The following DENND6B variants were observed in gnomAD, a reference collection of about 807,000 sequenced individuals.
DENND6B encodes the protein protein DENND6B.
Under a neutral mutation model 85.1 loss-of-function variants are expected in DENND6B, and 73 were observed. That is an observed-to-expected ratio of 0.86 (90% CI 0.71 to 1.04). The LOEUF is 1.04. DENND6B is among the 50% of genes least tolerant of loss of function. The probability of loss-of-function intolerance (pLI) is 0.00; values close to 1 mark genes in which losing one functional copy is unlikely to be tolerated. For synonymous variants in DENND6B, 357 were observed against 329.3 expected, an observed-to-expected ratio of 1.08 and a Z score of -0.91; for missense variants, 715 against 785.8, an observed-to-expected ratio of 0.91 and a Z score of 1.08.
At chr22:50,316,886 T>C in intron 5 of DENND6B, 1 of 139,586 alleles carries the variant, frequency 7.2e-6, no homozygotes, top group South Asian at 9.3e-5. Context: ...CAGAAGGGCC[T>C]TGGGTCCCAT....
rs1436103526 is a variant in DENND6B, at chr22:50,326,899, G to C, written c.90C>G (p.Thr30=). The change falls in exon 1 of 20, where the codon ACC becomes ACG. Residue 30 remains threonine (T), a synonymous_variant. Transcript: ENST00000413817. Reference sequence around the variant, plus strand: ...AGAAGCGCGCCCAGGGCGCCGCCGGGGTCCGCGCCGCGCGACCTGAAGACG... The same window carrying C: ...AGAAGCGCGCCCAGGGCGCCGCCGGCGTCCGCGCCGCGCGACCTGAAGACG... ...GPTSSGRAAR[T]PAAPWARFSA... The C allele has an allele frequency of 7.2e-7, 1 of 1,394,672 alleles. No individual in the cohort carries two copies. The highest frequency in any genetic ancestry group is 9.3e-7 in the Non-Finnish European group (1 of 1,074,218). The allele number at this position is 1,394,672 out of a possible 1,614,324, so 86.4% of individuals were successfully genotyped here.
intron 3 of DENND6B, 33 bp from the exon 4 acceptor site, chr22:50,318,053 G>A (rs1412283489): frequency 1.2e-6 from 2 of 1,606,090 alleles, no homozygotes; most frequent in African/African-American, 2.7e-5. Context: ...CACGGGTCAA[G>A]GCCGGGAGCC....
intron 1 of DENND6B, among the ~76,000 whole-genome samples, chr22:50,320,994 G>A (rs766364327): frequency 1.3e-5 from 2 of 152,192 alleles, no homozygotes; most frequent in Non-Finnish European, 2.9e-5. Flanking sequence ...AGGTTAAGGG[G>A]ACAAATGGAG....
intron 1 of DENND6B, among the ~76,000 whole-genome samples, chr22:50,321,254 C>T (rs917741795): frequency 1.3e-5 from 2 of 152,224 alleles, no homozygotes; most frequent in African/African-American, 4.8e-5. Context: ...CATCTTCACC[C>T]TCAGGTACAG....
intron 19 of DENND6B, 24 bp downstream of exon 19, chr22:50,312,319 G>C: frequency 6.2e-7 from 1 of 1,611,278 alleles, no homozygotes; most frequent in Non-Finnish European, 8.5e-7. Context: ...GGTGGCGCTG[G>C]GACAAGGCTG....
intron 9 of DENND6B, among the ~76,000 whole-genome samples, chr22:50,315,309 T>C (rs1227676382): frequency 6.6e-6 from 1 of 152,140 alleles, no homozygotes; most frequent in Non-Finnish European, 1.5e-5. Flanking sequence ...CAGAGCAGGA[T>C]GGTCTCAAAG....
At chr22:50,314,359 G>T in intron 12 of DENND6B, 41 bp downstream of exon 12, 1 of 1,572,446 alleles carries the variant, frequency 6.4e-7, no homozygotes, top group Non-Finnish European at 8.6e-7. Context: ...ACTCAACGAG[G>T]CTTCTGAGCA....
chr22:50,316,128 TCC>T (rs1317093094), intron 7 of DENND6B, 41 bp from the exon 8 acceptor site: 3 of 1,612,480 alleles, frequency 1.9e-6, no homozygotes, highest in Non-Finnish European at 2.5e-6. Flanking sequence ...GAGTAGGGCA[TCC>T]CCACACACCT....
Position 50,313,490 on chromosome 22 carries a change from T to C in DENND6B, c.1303A>G (p.Met435Val). 1 of 1,551,802 alleles carries C rather than the reference T, an allele frequency of 6.4e-7. No homozygotes were observed. The highest frequency in any genetic ancestry group is 8.7e-7 in the Non-Finnish European group (1 of 1,148,178). ...TTCTGCAGGGGCATGAGGCTGGCCATGTAGTGCTCCTGGGTGGGGAAGGGA... is the reference window on the plus strand; with the variant it reads ...TTCTGCAGGGGCATGAGGCTGGCCACGTAGTGCTCCTGGGTGGGGAAGGGA... Reference protein sequence around the residue: ...QSFIIPLEHYMASLMPLQKSI... With the variant: ...QSFIIPLEHYVASLMPLQKSI... The change falls in exon 16 of 20, where the codon ATG (methionine) becomes GTG (valine). Residue 435 changes from methionine to valine, a missense_variant. Met to Val is a conservative substitution (Grantham distance 21). Transcript: ENST00000413817.
At chr22:50,319,136 T>G (rs1256106489) in intron 1 of DENND6B, 133 bp from the exon 2 acceptor site, 1 of 1,535,900 alleles carries the variant, frequency 6.5e-7, no homozygotes, top group Non-Finnish European at 8.7e-7. Flanking sequence ...GTGCCCAAGG[T>G]GCTGGCTCGC....
At position 50,312,332 on chromosome 22, in the gene DENND6B, A is replaced by C. The variant is rs970057362; in HGVS notation, c.1635+11T>G. The C allele has an allele frequency of 2.5e-6, 4 of 1,611,326 alleles. No individual in the cohort carries two copies. The highest frequency in any genetic ancestry group is 3.4e-6 in the Non-Finnish European group (4 of 1,179,250). On this transcript the variant is annotated intron_variant, in intron 19 of 19. Coordinates refer to ENST00000413817, the MANE Select transcript of DENND6B (RefSeq NM_001001794.4). ...CTGGTGGCGCTGGGACAAGGCTGGGAGGCATCTTACCAGCTTCTCACGAAG... is the reference window on the plus strand; with the variant it reads ...CTGGTGGCGCTGGGACAAGGCTGGGCGGCATCTTACCAGCTTCTCACGAAG...
In DENND6B at chr22:50,314,318, G is replaced by C. The variant is rs374489759; in HGVS notation, c.1073-46C>G. The C allele has an allele frequency of 9.2e-4, 1,466 of 1,598,500 alleles. 3 individuals carry two copies. The highest frequency in any genetic ancestry group is 6.5e-4 in the Non-Finnish European group (768 of 1,173,450). The stretch of plus-strand genomic sequence containing the variant: ...CCAGGCCTCAGTGCCCGCAGCTCTG[G>C]CCATCCCCACGGGCTCTGAGGCGGC... On this transcript the variant is annotated intron_variant, in intron 12 of 19. Transcript: ENST00000413817.
chr22:50,320,437 T>C (rs1370262451), intron 1 of DENND6B, among the ~76,000 whole-genome samples: 2 of 152,252 alleles, frequency 1.3e-5, no homozygotes, highest in East Asian at 3.8e-4. Flanking sequence ...ACCATGGTCC[T>C]GCTTTGCCTC....
intron 3 of DENND6B, among the ~76,000 whole-genome samples, chr22:50,318,395 A>G (rs915577168): frequency 2.6e-5 from 4 of 152,174 alleles, no homozygotes; most frequent in Admixed American, 6.5e-5. Flanking sequence ...GTGTTTCCCA[A>G]TGGGCTCCTA....
intron 1 of DENND6B, among the ~76,000 whole-genome samples, chr22:50,326,481 GGGAGCCA>G (rs1407148869): frequency 6.6e-6 from 1 of 152,236 alleles, no homozygotes; most frequent in East Asian, 1.9e-4. Context: ...GGACTCTGGC[GGGAGCCA>G]CTGAGGGGAT....
chr22:50,309,674 T>G lies in DENND6B; in HGVS notation c.*2465A>C, dbSNP rs989939939. ...CACCCAGCCCGGTTCCCCCCTCAAGTTCCCCCTTCACACGCCACTATGTGG... is the reference window on the plus strand; with the variant it reads ...CACCCAGCCCGGTTCCCCCCTCAAGGTCCCCCTTCACACGCCACTATGTGG... On this transcript the variant is annotated 3_prime_UTR_variant, in exon 20 of 20. Transcript: ENST00000413817. 1.3e-5 allele frequency: 2 copies of G among 151,958 alleles called. No homozygotes were observed. The allele number at this position is 151,958 out of a possible 1,614,324, so 9.4% of individuals were successfully genotyped here.
intron 1 of DENND6B, among the ~76,000 whole-genome samples, chr22:50,322,123 G>A (rs2042063932): frequency 1.3e-5 from 2 of 148,748 alleles, no homozygotes; most frequent in Non-Finnish European, 1.5e-5. Context: ...TGCCCAGGCT[G>A]GAGTACAGTG....
intron 1 of DENND6B, 79 bp downstream of exon 1, chr22:50,326,733 G>GGGCCCCAAGCGAGGCGGGACT: frequency 1.6e-6 from 2 of 1,224,526 alleles, no homozygotes; most frequent in Non-Finnish European, 2.1e-6. Context: ...GGGCGGCCGA[G>GGGCCCCAAGCGAGGCGGGACT]GGCCCCAAGC....
intron 1 of DENND6B, among the ~76,000 whole-genome samples, chr22:50,324,250 G>T (rs189325844): frequency 3.7e-4 from 56 of 152,272 alleles, no homozygotes; most frequent in African/African-American, 1.3e-3. Context: ...CAGTTGCGGG[G>T]GTATCCTGTG....
Sources: allele counts gnomAD v4.1 joint callset (sites outside exome capture counted in the v4.1 genomes callset), GRCh38; gene constraint gnomAD v4.1.1; transcripts MANE v1.5; gene names NCBI Gene and HGNC (gene_info 2026-07-23, HGNC 2026-07-21).